The following ART3 variants were observed in gnomAD, a reference collection of about 807,000 sequenced individuals.
ART3 encodes the protein ADP-ribosyltransferase 3 (inactive).
Under a neutral mutation model 48.5 loss-of-function variants are expected in ART3, and 49 were observed. The observed-to-expected ratio is 1.01, with a 90% CI of 0.80 to 1.28. The LOEUF (loss-of-function observed/expected upper bound fraction) is 1.28. Ranked by LOEUF, ART3 falls within the 50% of genes most tolerant of loss-of-function variation. ART3 has a pLI of 0.00. For synonymous variants in ART3, 145 were observed against 157.2 expected, an observed-to-expected ratio of 0.92 and a Z score of 0.58; for missense variants, 438 against 454.3, an observed-to-expected ratio of 0.96 and a Z score of 0.33.
chr4:76,054,904 G>A (rs1327317827), intron 1 of ART3, among the ~76,000 whole-genome samples: 3 of 152,134 alleles, frequency 2.0e-5, no homozygotes, highest in African/African-American at 7.2e-5. Flanking sequence ...TATTTTCCTT[G>A]TAATGAAAAG....
intron 3 of ART3, among the ~76,000 whole-genome samples, chr4:76,087,514 CTG>C (rs371562382): frequency 3.1e-4 from 47 of 152,226 alleles, no homozygotes; most frequent in African/African-American, 1.0e-3. Context: ...TCCATTGTGA[CTG>C]GATATAACTG....
intron 1 of ART3, among the ~76,000 whole-genome samples, chr4:76,057,128 C>T (rs1475981374): frequency 2.0e-5 from 3 of 151,964 alleles, no homozygotes; most frequent in African/African-American, 4.8e-5. Flanking sequence ...ATTATGTTTT[C>T]TTTTCAGTAT....
intron 1 of ART3, among the ~76,000 whole-genome samples, chr4:76,062,518 C>T (rs1448591192): frequency 2.0e-5 from 3 of 150,516 alleles, no homozygotes; most frequent in African/African-American, 7.3e-5. Flanking sequence ...GAGATTTAAA[C>T]ATCTCAGAGC....
In ART3 at chr4:76,022,853, C is replaced by G. The variant is rs772450528; in HGVS notation, c.-10+11533C>G. 7 of 1,587,796 alleles carry G rather than the reference C, an allele frequency of 4.4e-6. No homozygotes were observed. In the Admixed American group the frequency reaches 1.0e-4, roughly 24 times the overall value. On this transcript the variant is annotated intron_variant, in intron 1 of 9. Transcript: ENST00000341029. The stretch of plus-strand genomic sequence containing the variant: ...AGAGGAACAGCAGAGAAGGTTAGCA[C>G]AGTGTTCATTTTAGGCATTTAATGT...
At chr4:76,080,816 C>G (rs1722297381) in intron 2 of ART3, among the ~76,000 whole-genome samples, 1 of 152,078 alleles carries the variant, frequency 6.6e-6, no homozygotes, top group African/African-American at 2.4e-5. Context: ...GCCTTTTATC[C>G]TAATTTTTTT....
intron 10 of ART3, chr4:76,106,003 G>T (rs1452743684): frequency 2.0e-6 from 2 of 985,230 alleles, no homozygotes; most frequent in Non-Finnish European, 2.4e-6. Context: ...ACAGTGTATT[G>T]TGCCCTCTCC....
At chr4:76,080,997 G>T (rs558402147) in intron 2 of ART3, among the ~76,000 whole-genome samples, 125 of 152,310 alleles carry the variant, frequency 8.2e-4, no homozygotes, top group Admixed American at 2.7e-3. Context: ...TTAGTTGTAT[G>T]TGGTATTATG....
intron 1 of ART3, among the ~76,000 whole-genome samples, chr4:76,075,050 G>A (rs73825868): frequency 0.025 from 3,848 of 152,168 alleles, 148 homozygotes; most frequent in African/African-American, 0.085. Context: ...GGAAACTGAG[G>A]CCAAAATGAT....
At chr4:76,101,066 C>T (rs775744924) in intron 8 of ART3, 47 bp downstream of exon 8, 37 of 1,604,624 alleles carry the variant, frequency 2.3e-5, no homozygotes, top group Non-Finnish European at 3.1e-5. Flanking sequence ...TGCAATATAT[C>T]TCCCTTTACA....
chr4:76,102,620 G>T, intron 8 of ART3, among the ~76,000 whole-genome samples: 1 of 130,360 alleles, frequency 7.7e-6, no homozygotes, highest in Non-Finnish European at 1.8e-5. Context: ...TTAATACAAT[G>T]GTAAATAATT....
At chr4:76,063,030 C>T (rs1383065793) in intron 1 of ART3, among the ~76,000 whole-genome samples, 1 of 152,150 alleles carries the variant, frequency 6.6e-6, no homozygotes, top group Non-Finnish European at 1.5e-5. Flanking sequence ...GTGAGGCCTA[C>T]CTTGACCACT....
intron 1 of ART3, chr4:76,041,391 T>C (rs992485378): frequency 6.6e-6 from 1 of 152,240 alleles, no homozygotes; most frequent in Non-Finnish European, 1.5e-5. Flanking sequence ...TTGAATCCTT[T>C]CCTTCGTTTA....
intron 1 of ART3, among the ~76,000 whole-genome samples, chr4:76,028,248 T>A (rs2149389214): frequency 6.6e-6 from 1 of 152,360 alleles, no homozygotes; most frequent in African/African-American, 2.4e-5. Flanking sequence ...AGACTGCATG[T>A]GTCATTTGAA....
rs528876546 is a variant in ART3, at chr4:76,101,162, C to G, written c.937+143C>G. 4.4e-5 allele frequency: 41 copies of G among 926,050 alleles called. No homozygotes were observed. In the African/African-American group the frequency reaches 6.6e-4, roughly 15 times the overall value. The allele number at this position is 926,050 out of a possible 1,614,324, so 57.4% of individuals were successfully genotyped here. A position where few individuals can be genotyped will look rare whatever the true frequency, so the allele number is the denominator to read the frequency against. On this transcript the variant is annotated intron_variant, in intron 8 of 11. Transcript: ENST00000355810. ...GCTTACTGGTTTGGTATATTAGAGA[C>G]TCTCCTGGGTTTCAGGTAGAATTCT...
In ART3 at chr4:76,019,522, C is replaced by T. The variant is rs1248504575; in HGVS notation, c.-10+8202C>T. Among the ~76,000 whole-genome samples, 2 of 97,470 alleles carry T rather than the reference C, an allele frequency of 2.1e-5. 1 individual carries two copies. The highest frequency in any genetic ancestry group is 5.7e-4 in the East Asian group (2 of 3,490). 63.9% of individuals were successfully genotyped at this position (97,470 alleles called of 152,430 possible). On this transcript the variant is annotated intron_variant, in intron 1 of 9. Coordinates refer to the ART3 transcript ENST00000341029. ...GGCACCCTGTAATCCCAGTTGAGATCGCGCCACTGCAAGCTCTGCCTTCTG... is the reference window on the plus strand; with the variant it reads ...GGCACCCTGTAATCCCAGTTGAGATTGCGCCACTGCAAGCTCTGCCTTCTG...
chr4:76,065,110 G>A (rs11734367), intron 1 of ART3, among the ~76,000 whole-genome samples: 7,802 of 152,248 alleles, frequency 0.051, 302 homozygotes, highest in Non-Finnish European at 0.075. Context: ...GGGATCACAG[G>A]CGTGAGTAAT....
intron 5 of ART3, 39 bp downstream of exon 5, chr4:76,099,026 G>C: frequency 6.3e-7 from 1 of 1,574,968 alleles, no homozygotes; most frequent in Non-Finnish European, 8.7e-7. Flanking sequence ...TCTTGGTTGG[G>C]CATGGTGGCT....
At chr4:76,042,885 G>A (rs1735108271) in intron 1 of ART3, among the ~76,000 whole-genome samples, 2 of 151,874 alleles carry the variant, frequency 1.3e-5, no homozygotes, top group South Asian at 2.1e-4. Flanking sequence ...CTCTTATCTG[G>A]CCCCACCCAC....
chr4:76,089,393 G>T (rs12504915), intron 3 of ART3, among the ~76,000 whole-genome samples: 10,761 of 151,454 alleles, frequency 0.071, 490 homozygotes, highest in Admixed American at 0.14. Context: ...ATTTAGCACC[G>T]TCCCCTTTGT....
Sources: allele counts gnomAD v4.1 joint callset (sites outside exome capture counted in the v4.1 genomes callset), GRCh38; gene constraint gnomAD v4.1.1; transcripts MANE v1.5; gene names NCBI Gene and HGNC (gene_info 2026-07-23, HGNC 2026-07-21).